MMRN1: variants seen among roughly 807,000 people sequenced by gnomAD.
The protein encoded by MMRN1 is multimerin 1.
Under a neutral mutation model 100.7 loss-of-function variants are expected in MMRN1, and 94 were observed. That is an observed-to-expected ratio of 0.93 (90% CI 0.79 to 1.11). MMRN1 has a LOEUF of 1.11. Ranked by LOEUF, MMRN1 falls within the 50% of genes least tolerant of loss-of-function variation. The probability of loss-of-function intolerance (pLI) is 0.00; values close to 1 mark genes in which losing one functional copy is unlikely to be tolerated. For synonymous variants in MMRN1, 575 were observed against 505.0 expected (o/e 1.14, Z -1.86); for missense variants, 1,606 against 1,439.1 (o/e 1.12, Z -1.88).
intron 1 of MMRN1, among the ~76,000 whole-genome samples, chr4:89,897,418 C>A (rs921397072): frequency 3.9e-5 from 6 of 152,040 alleles, no homozygotes; most frequent in Admixed American, 3.3e-4. Flanking sequence ...CCATGTTGGC[C>A]AGGGTGGTCT....
At chr4:89,922,730 A>T (rs929461361) in intron 3 of MMRN1, among the ~76,000 whole-genome samples, 5 of 152,114 alleles carry the variant, frequency 3.3e-5, no homozygotes, top group Non-Finnish European at 7.3e-5. Flanking sequence ...TTTAGTAAGG[A>T]ACCTGTAGCT....
chr4:89,909,250 TCCCTAACAA>T lies in MMRN1; in HGVS notation c.624-25_624-17del. On this transcript the variant is annotated splice_polypyrimidine_tract_variant and intron_variant, in intron 1 of 7. Transcript: ENST00000264790. The stretch of plus-strand genomic sequence containing the variant: ...GAATTCTTTTTTGACAACAGTTTTT[TCCCTAACAA>T]TTATGATCTTCTTTAGGAATTGGTG... 1 of 1,560,740 alleles carries T rather than the reference TCCCTAACAA, an allele frequency of 6.4e-7. No homozygotes were observed. The highest frequency in any genetic ancestry group is 2.0e-5 in the Admixed American group (1 of 49,242).
chr4:89,908,485 G>A (rs1269977567), intron 1 of MMRN1, among the ~76,000 whole-genome samples: 1 of 151,396 alleles, frequency 6.6e-6, no homozygotes, highest in Non-Finnish European at 1.5e-5. Flanking sequence ...TGACATATTT[G>A]CATTGGGTTT....
At chr4:89,924,528 A>G (rs1301791206) in intron 4 of MMRN1, among the ~76,000 whole-genome samples, 2 of 151,394 alleles carry the variant, frequency 1.3e-5, no homozygotes, top group South Asian at 2.1e-4. Flanking sequence ...AAATATATAT[A>G]TATTAATTTT....
intron 4 of MMRN1, 94 bp from the exon 5 acceptor site, chr4:89,927,701 A>G (rs1480007999): frequency 8.0e-6 from 9 of 1,125,766 alleles, no homozygotes; most frequent in Non-Finnish European, 1.1e-5. Context: ...CAGCTTACAG[A>G]AGAAAGGGTT....
intron 6 of MMRN1, 143 bp downstream of exon 6, chr4:89,936,941 C>A (rs1056837890): frequency 5.8e-6 from 4 of 689,164 alleles, no homozygotes; most frequent in Admixed American, 7.1e-5. Flanking sequence ...AGATCACTGA[C>A]ATTATTTAAA....
chr4:89,914,318 T>G (rs890063810), intron 3 of MMRN1, among the ~76,000 whole-genome samples: 1 of 151,392 alleles, frequency 6.6e-6, no homozygotes, highest in East Asian at 1.9e-4. Flanking sequence ...GGGATGTGGA[T>G]CCATCTCGAA....
chr4:89,903,748 T>C (rs1222284464), intron 1 of MMRN1, among the ~76,000 whole-genome samples: 1 of 151,764 alleles, frequency 6.6e-6, no homozygotes, highest in East Asian at 1.9e-4. Context: ...GGCTATAAAT[T>C]GTGGAGTCAA....
chr4:89,909,879 T>G (rs1216381617), intron 2 of MMRN1, among the ~76,000 whole-genome samples: 1 of 151,462 alleles, frequency 6.6e-6, no homozygotes, highest in Non-Finnish European at 1.5e-5. Context: ...CTTTTCTTCT[T>G]GTGTCTATTG....
chr4:89,910,418 A>G (rs572622344), intron 2 of MMRN1, among the ~76,000 whole-genome samples: 4 of 151,544 alleles, frequency 2.6e-5, no homozygotes, highest in South Asian at 2.1e-4. Context: ...TAAACAAACC[A>G]TAAGTATTTA....
intron 5 of MMRN1, among the ~76,000 whole-genome samples, chr4:89,932,692 C>G (rs1379058021): frequency 6.6e-6 from 1 of 152,186 alleles, no homozygotes; most frequent in Non-Finnish European, 1.5e-5. Flanking sequence ...CTGAACTATA[C>G]ATTGGTCCCT....
At chr4:89,894,799 C>G, upstream of MMRN1, 3 of 1,206,896 alleles carry the variant, frequency 2.5e-6, no homozygotes, top group Non-Finnish European at 3.3e-6. Context: ...CCTACAGAAA[C>G]AGGAAACCGA....
intron 5 of MMRN1, among the ~76,000 whole-genome samples, chr4:89,929,440 C>T (rs2110624485): frequency 6.6e-6 from 1 of 152,170 alleles, no homozygotes; most frequent in East Asian, 1.9e-4. Context: ...ATGGCCCAAC[C>T]TTACCAATGC....
intron 6 of MMRN1, among the ~76,000 whole-genome samples, chr4:89,946,904 G>C (rs1294185002): frequency 6.6e-6 from 1 of 152,090 alleles, no homozygotes; most frequent in African/African-American, 2.4e-5. Context: ...TAATTGCACT[G>C]ATCTCCATTA....
intron 5 of MMRN1, among the ~76,000 whole-genome samples, chr4:89,932,132 T>C (rs1722458554): frequency 1.3e-5 from 2 of 152,110 alleles, no homozygotes; most frequent in East Asian, 1.9e-4. Flanking sequence ...ATGGGAGACA[T>C]TGGCCATAAC....
At chr4:89,892,529 A>AG (rs1721078639), upstream of MMRN1, among the ~76,000 whole-genome samples, 2 of 151,896 alleles carry the variant, frequency 1.3e-5, no homozygotes, top group African/African-American at 4.8e-5. Flanking sequence ...CAATTTCTGG[A>AG]GTATTTTATA....
In MMRN1 at chr4:89,935,072, G is replaced by T. The variant is rs766322771; in HGVS notation, c.1392G>T (p.Val464=). ...TAGTGGAACTAAGGAATCACATTGT[G>T]AATGTAAGGCAAGAAATGACTCTTA... ...TDIVELRNHI[V]NVRQEMTLTC... is the part of the protein sequence containing the mutation. The change falls in exon 6 of 8, where the codon GTG becomes GTT. Residue 464 remains valine, a synonymous_variant. Transcript: ENST00000264790. 6 of 1,613,702 alleles carry T rather than the reference G, an allele frequency of 3.7e-6. No homozygotes were observed. The highest frequency in any genetic ancestry group is 5.1e-6 in the Non-Finnish European group (6 of 1,179,774).
chr4:89,952,984 T>C lies in MMRN1; in HGVS notation c.3266-13T>C. The C allele has an allele frequency of 6.4e-7, 1 of 1,550,540 alleles. No homozygotes were observed. Reference sequence around the variant, plus strand: ...ACATGAAAATTAACTCTTGCCATTTTTTCCTCTAACAGATTTTTCCAAAGG... The same window carrying C: ...ACATGAAAATTAACTCTTGCCATTTCTTCCTCTAACAGATTTTTCCAAAGG... On this transcript the variant is annotated splice_polypyrimidine_tract_variant and intron_variant, in intron 7 of 7. Coordinates refer to ENST00000264790, the MANE Select transcript of MMRN1 (RefSeq NM_007351.3).
At chr4:89,937,074 A>G (rs1722670079) in intron 6 of MMRN1, among the ~76,000 whole-genome samples, 2 of 152,062 alleles carry the variant, frequency 1.3e-5, no homozygotes, top group East Asian at 1.9e-4. Context: ...ATTTGCTCCT[A>G]TGGAACAATT....
Sources: gnomAD v4.1 joint callset for allele counts (sites outside exome capture counted in the v4.1 genomes callset) on GRCh38, gnomAD v4.1.1 for gene constraint, MANE v1.5 for transcripts, NCBI Gene and HGNC (gene_info 2026-07-23, HGNC 2026-07-21) for gene names.